Variants in GRM5 observed in about 807,000 individuals in gnomAD.
The protein encoded by GRM5 is metabotropic glutamate receptor 5.
GRM5 carries 19 observed loss-of-function variants against 83.1 expected under a neutral mutation model. The ratio of observed to expected loss-of-function variants is 0.23; its 90% confidence interval spans 0.16 to 0.34. The LOEUF is 0.34. Ranked by LOEUF, GRM5 falls within the 10% of genes least tolerant of loss-of-function variation. The pLI is 1.00. For missense variants in GRM5, 1,160 were observed against 1,588.3 expected (o/e 0.73, Z 4.58); for synonymous variants, 675 against 633.6 (o/e 1.07, Z -0.98).
chr11:88,649,351 T>G (rs574965351), intron 4 of GRM5, among the ~76,000 whole-genome samples: 1 of 141,262 alleles, frequency 7.1e-6, no homozygotes, highest in Non-Finnish European at 1.5e-5. Flanking sequence ...ATATTACATA[T>G]ACATAATATA....
At chr11:88,805,043 T>C (rs962183005) in intron 3 of GRM5, among the ~76,000 whole-genome samples, 8 of 152,174 alleles carry the variant, frequency 5.3e-5, no homozygotes, top group African/African-American at 1.9e-4. Context: ...GTACAGACTA[T>C]TTCCTGTAAA....
At chr11:89,060,285 T>TATATACAC (rs1043068131) in intron 1 of GRM5, among the ~76,000 whole-genome samples, 3 of 80,910 alleles carry the variant, frequency 3.7e-5, no homozygotes, top group African/African-American at 9.0e-5. Context: ...TATATATATA[T>TATATACAC]ACACACACAC....
At chr11:88,803,330 AAACAGAGATATAGATC>A (rs1278784644) in intron 3 of GRM5, among the ~76,000 whole-genome samples, 19 of 152,158 alleles carry the variant, frequency 1.2e-4, no homozygotes, top group Non-Finnish European at 1.6e-4. Context: ...ACTGGTACCA[AAACAGAGATATAGATC>A]AATGGAACAG....
intron 3 of GRM5, among the ~76,000 whole-genome samples, chr11:88,785,934 T>C (rs1254399766): frequency 1.3e-5 from 2 of 152,100 alleles, no homozygotes; most frequent in Non-Finnish European, 2.9e-5. Context: ...AGACAATAAA[T>C]GTTACCTATT....
chr11:88,687,553 CATATATATTATATATATATATATATAAT>C (rs1940667727), intron 3 of GRM5, among the ~76,000 whole-genome samples: 3 of 14,902 alleles, frequency 2.0e-4, no homozygotes, highest in African/African-American at 7.2e-4. Context: ...CACACACACA[CATATATATTATATATATATATATATAAT>C]ATATATATAT....
At chr11:88,615,837 A>T (rs1342860139) in intron 4 of GRM5, among the ~76,000 whole-genome samples, 2 of 152,026 alleles carry the variant, frequency 1.3e-5, no homozygotes, top group Non-Finnish European at 2.9e-5. Context: ...TTATCTCTCC[A>T]GGTTTAGGTC....
intron 3 of GRM5, among the ~76,000 whole-genome samples, chr11:88,844,385 CACACATAT>C (rs1565258077): frequency 6.9e-6 from 1 of 145,546 alleles, no homozygotes; most frequent in African/African-American, 2.6e-5. Context: ...CACACACACA[CACACATAT>C]ATATATATAC....
At chr11:88,871,790 T>C (rs1944772123) in intron 2 of GRM5, among the ~76,000 whole-genome samples, 1 of 151,480 alleles carries the variant, frequency 6.6e-6, no homozygotes, top group African/African-American at 2.4e-5. Context: ...GTTGAACAAA[T>C]TGCTGTAATT....
chr11:88,730,667 C>A (rs1191989332), intron 3 of GRM5, among the ~76,000 whole-genome samples: 1 of 152,090 alleles, frequency 6.6e-6, no homozygotes, highest in East Asian at 1.9e-4. Flanking sequence ...CACATACACA[C>A]CATGGAATAC....
chr11:88,810,847 G>A (rs1430169400), intron 3 of GRM5, among the ~76,000 whole-genome samples: 1 of 151,994 alleles, frequency 6.6e-6, no homozygotes, highest in Non-Finnish European at 1.5e-5. Context: ...GTCAATATTG[G>A]CAGATAGTCT....
intron 3 of GRM5, among the ~76,000 whole-genome samples, chr11:88,716,534 G>A (rs1038751187): frequency 1.6e-4 from 24 of 151,892 alleles, no homozygotes; most frequent in African/African-American, 5.1e-4. Context: ...TGGGTGATTT[G>A]TATTGACTGC....
At chr11:88,976,314 C>A (rs1939333437) in intron 2 of GRM5, among the ~76,000 whole-genome samples, 1 of 152,090 alleles carries the variant, frequency 6.6e-6, no homozygotes, top group African/African-American at 2.4e-5. Context: ...GTAATTAAAA[C>A]AAAAATTGAG....
At chr11:88,798,497 T>C (rs1017490181) in intron 3 of GRM5, among the ~76,000 whole-genome samples, 2 of 152,092 alleles carry the variant, frequency 1.3e-5, no homozygotes, top group African/African-American at 4.8e-5. Flanking sequence ...TAAGAAAAGG[T>C]CTTAAATGAA....
At chr11:88,990,908 A>C (rs946560058) in intron 2 of GRM5, among the ~76,000 whole-genome samples, 1 of 152,220 alleles carries the variant, frequency 6.6e-6, no homozygotes, top group Non-Finnish European at 1.5e-5. Flanking sequence ...CCAATATCGT[A>C]CTGAATGGGC....
chr11:88,863,653 TA>T (rs35379485), intron 2 of GRM5, among the ~76,000 whole-genome samples: 1 of 151,880 alleles, frequency 6.6e-6, no homozygotes, highest in East Asian at 1.9e-4. Flanking sequence ...CTAAAGAGCA[TA>T]AAAAACTGTA....
chr11:88,883,374 A>G (rs1255955659), intron 2 of GRM5, among the ~76,000 whole-genome samples: 1 of 152,168 alleles, frequency 6.6e-6, no homozygotes, highest in Non-Finnish European at 1.5e-5. Flanking sequence ...GTTGGGAACT[A>G]GGTCACTCTT....
intron 3 of GRM5, among the ~76,000 whole-genome samples, chr11:88,719,563 T>G (rs767620116): frequency 6.6e-6 from 1 of 152,106 alleles, no homozygotes; most frequent in African/African-American, 2.4e-5. Context: ...TTTACATATT[T>G]TGGGGTATAT....
At chr11:89,004,830 T>C (rs536547308) in intron 2 of GRM5, among the ~76,000 whole-genome samples, 30 of 152,342 alleles carry the variant, frequency 2.0e-4, no homozygotes, top group African/African-American at 5.3e-4. Flanking sequence ...TAATCCCATA[T>C]GCAAATAGAT....
intron 4 of GRM5, among the ~76,000 whole-genome samples, chr11:88,607,809 C>A (rs1427184650): frequency 6.6e-6 from 1 of 152,240 alleles, no homozygotes; most frequent in Non-Finnish European, 1.5e-5. Flanking sequence ...GTTCTGCCCA[C>A]AAGATTTGTG....
Sources: allele counts gnomAD v4.1 joint callset (sites outside exome capture counted in the v4.1 genomes callset), GRCh38; gene constraint gnomAD v4.1.1; transcripts MANE v1.5; gene names NCBI Gene and HGNC (gene_info 2026-07-23, HGNC 2026-07-21).